EYA3: variants seen among roughly 807,000 people sequenced by gnomAD.
EYA3 encodes the protein protein phosphatase EYA3.
A neutral mutation model predicts 80.0 loss-of-function variants in EYA3; 39 were observed. The observed-to-expected ratio is 0.49, with a 90% CI of 0.38 to 0.64. EYA3 has a LOEUF of 0.64. EYA3 is among the 30% of genes least tolerant of loss of function. The pLI is 0.00. For synonymous variants in EYA3, 206 were observed against 232.8 expected (o/e 0.88, Z 1.05); for missense variants, 523 against 676.1 (o/e 0.77, Z 2.51).
At chr1:28,045,483 A>G (rs1643968787) in intron 3 of EYA3, among the ~76,000 whole-genome samples, 1 of 152,156 alleles carries the variant, frequency 6.6e-6, no homozygotes. Flanking sequence ...TGTAGATCTT[A>G]TATTTTAGAA....
intron 16 of EYA3, among the ~76,000 whole-genome samples, chr1:27,987,517 G>GATTACC (rs776349933): frequency 9.9e-5 from 15 of 152,176 alleles, no homozygotes; most frequent in Admixed American, 5.9e-4. Context: ...TTACGCAGAA[G>GATTACC]ATTACCCAGG....
At chr1:28,021,978 C>T (rs965075672) in intron 7 of EYA3, among the ~76,000 whole-genome samples, 3 of 152,080 alleles carry the variant, frequency 2.0e-5, no homozygotes, top group African/African-American at 4.8e-5. Flanking sequence ...ACTAATATAA[C>T]TGACAATTCC....
intron 1 of EYA3, among the ~76,000 whole-genome samples, chr1:28,065,004 G>A (rs1234178164): frequency 6.6e-6 from 1 of 152,200 alleles, no homozygotes; most frequent in Non-Finnish European, 1.5e-5. Context: ...CATTGTAAAT[G>A]TACTTAATTC....
intron 14 of EYA3, among the ~76,000 whole-genome samples, chr1:27,992,609 G>T (rs1571734928): frequency 6.6e-6 from 1 of 152,180 alleles, no homozygotes; most frequent in African/African-American, 2.4e-5. Flanking sequence ...GTATGTATTT[G>T]TATCTTTGAT....
At position 28,087,470 on chromosome 1, in the gene EYA3, GA is replaced by G. The variant is rs141845296; in HGVS notation, c.-69+1053del. On this transcript the variant is annotated intron_variant, in intron 1 of 17. Coordinates refer to ENST00000373871, the MANE Select transcript of EYA3 (RefSeq NM_001990.4). ...ATAGAAAACTTAATACAGTAAAAAT[GA>G]AAAAATGCATATGTGCATACTAAGT... 4.7e-3 allele frequency among the ~76,000 whole-genome samples: 716 copies of G among 152,222 alleles called. 5 individuals are homozygous for G. The highest frequency in any genetic ancestry group is 0.017 in the African/African-American group (686 of 41,532).
At chr1:28,063,226 G>A (rs1644699775) in intron 1 of EYA3, among the ~76,000 whole-genome samples, 1 of 150,528 alleles carries the variant, frequency 6.6e-6, no homozygotes, top group African/African-American at 2.5e-5. Context: ...AAAAAAGGTA[G>A]TCCATAGATT....
chr1:28,043,071 C>CT, intron 3 of EYA3, among the ~76,000 whole-genome samples: 1 of 152,214 alleles, frequency 6.6e-6, no homozygotes, highest in Middle Eastern at 3.4e-3. Flanking sequence ...TCTTGAACTC[C>CT]TGACCTTGTG....
At chr1:28,019,349 C>G (rs1235814794) in intron 7 of EYA3, among the ~76,000 whole-genome samples, 1 of 152,174 alleles carries the variant, frequency 6.6e-6, no homozygotes, top group Non-Finnish European at 1.5e-5. Flanking sequence ...TATTTTCTTT[C>G]AACCAATATT....
At position 27,982,711 on chromosome 1, in the gene EYA3, G is replaced by A. The variant is rs985167112; in HGVS notation, c.1541-4237C>T. ...GGGTTCAAGCTATTCTCAGGCCCCC[G>A]AGGAGCTGGGATTACAGGCGCACAC... On this transcript the variant is annotated intron_variant, in intron 16 of 17. Transcript: ENST00000373871. Among the ~76,000 whole-genome samples, 7 of 151,958 alleles carry A rather than the reference G, an allele frequency of 4.6e-5. No homozygotes were observed. The South Asian group carries it at 6.2e-4, about 14-fold the overall frequency.
At position 28,013,268 on chromosome 1, in the gene EYA3, A is replaced by C. The variant is rs370122430; in HGVS notation, c.612T>G (p.Gly204=). Reference sequence around the variant, plus strand: ...GGTAGCAGGCCTGGTACTGATTCTGACCAAGAATAGTATAGGTGGGATAAT... The same window carrying C: ...GGTAGCAGGCCTGGTACTGATTCTGCCCAAGAATAGTATAGGTGGGATAAT... ...NQDYPTYTIL[G]QNQYQACYPS... The change falls in exon 9 of 18, where the codon GGT becomes GGG. Residue 204 remains glycine (G), a synonymous_variant. Coordinates refer to ENST00000373871, the MANE Select transcript of EYA3 (RefSeq NM_001990.4). This position sits in a 1 kb window ranked among gnomAD's most constrained non-coding sequence, Gnocchi z 4.0. 44 of 1,613,836 alleles carry C rather than the reference A, an allele frequency of 2.7e-5. No homozygotes were observed. The Middle Eastern group carries it at 2.1e-3, about 78-fold the overall frequency.
chr1:27,971,610 A>AG lies in EYA3; in HGVS notation c.*2855_*2856insC, dbSNP rs1335496924. The AG allele has an allele frequency of 1.2e-5, 1 of 85,198 alleles. No individual in the cohort carries two copies. Among genetic ancestry groups the AG allele is most frequent in the East Asian group, 3.5e-4 (1 of 2,866 alleles). The allele number at this position is 85,198 out of a possible 1,614,324, so 5.3% of individuals were successfully genotyped here. Reference sequence around the variant, plus strand: ...CTCCATCTCAACAACAACAACAAAAAAAAAAAAAAAAAAAAAAAGAGAACC... The same window carrying AG: ...CTCCATCTCAACAACAACAACAAAAAGAAAAAAAAAAAAAAAAAAGAGAACC... On this transcript the variant is annotated 3_prime_UTR_variant, in exon 18 of 18. Transcript: ENST00000373871.
chr1:27,986,262 C>T (rs996679512), intron 16 of EYA3, among the ~76,000 whole-genome samples: 13 of 151,722 alleles, frequency 8.6e-5, no homozygotes, highest in Middle Eastern at 3.4e-3. Flanking sequence ...CTACTTGGGA[C>T]GCTGAGGCAA....
chr1:28,070,510 C>T (rs981663917), intron 1 of EYA3, among the ~76,000 whole-genome samples: 1 of 151,770 alleles, frequency 6.6e-6, no homozygotes, highest in Non-Finnish European at 1.5e-5. Context: ...TGCAGCAAGC[C>T]GAGATCATGC....
At chr1:28,041,477 C>G (rs899536760) in intron 4 of EYA3, among the ~76,000 whole-genome samples, 4 of 151,862 alleles carry the variant, frequency 2.6e-5, no homozygotes, top group African/African-American at 9.7e-5. Flanking sequence ...CACTTGAACC[C>G]GGGAGGCGGA....
intron 7 of EYA3, among the ~76,000 whole-genome samples, chr1:28,019,494 A>G (rs1170052991): frequency 6.6e-6 from 1 of 152,198 alleles, no homozygotes; most frequent in Non-Finnish European, 1.5e-5. Flanking sequence ...AATGGTTTCC[A>G]GATTTTGTTA....
At chr1:27,995,424 A>G (rs1640380164) in intron 13 of EYA3, among the ~76,000 whole-genome samples, 1 of 149,284 alleles carries the variant, frequency 6.7e-6, no homozygotes, top group African/African-American at 2.4e-5. Flanking sequence ...TTAAAAGGAA[A>G]AAAAAAAAAA....
intron 1 of EYA3, among the ~76,000 whole-genome samples, chr1:28,069,428 G>A (rs1176655911): frequency 6.6e-6 from 1 of 151,850 alleles, no homozygotes; most frequent in African/African-American, 2.4e-5. Context: ...AATTTTAACT[G>A]GGGCTGGGGT....
At chr1:28,051,871 T>A (rs1316094267) in intron 2 of EYA3, among the ~76,000 whole-genome samples, 1 of 149,640 alleles carries the variant, frequency 6.7e-6, no homozygotes, top group Non-Finnish European at 1.5e-5. Context: ...CCAATCAAAA[T>A]CCCAGCTGGC....
At chr1:27,995,010 T>C (rs1239504044) in intron 13 of EYA3, among the ~76,000 whole-genome samples, 1 of 151,040 alleles carries the variant, frequency 6.6e-6, no homozygotes, top group East Asian at 1.9e-4. Context: ...TAAAAAATGA[T>C]AAAGATGGTA....
Sources: gnomAD v4.1 joint callset for allele counts (sites outside exome capture counted in the v4.1 genomes callset) on GRCh38, gnomAD v4.1.1 for gene constraint, Gnocchi (gnomAD v3.1) non-coding constraint, MANE v1.5 for transcripts, NCBI Gene and HGNC (gene_info 2026-07-23, HGNC 2026-07-21) for gene names.